FRMPD2: variants seen among roughly 807,000 people sequenced by gnomAD.
FRMPD2 encodes FERM and PDZ domain containing 2, also known as FERM and PDZ domain-containing protein 2.
Under a neutral mutation model 140.1 loss-of-function variants are expected in FRMPD2, and 96 were observed. That is an observed-to-expected ratio of 0.69 (90% confidence interval 0.58 to 0.81). FRMPD2 has a LOEUF of 0.81. Among genes scored for constraint, FRMPD2 ranks in the 40% least tolerant of loss-of-function variants. The pLI, the probability that FRMPD2 is intolerant of heterozygous loss-of-function variation, is 0.00. For synonymous variants in FRMPD2, 449 were observed against 547.6 expected (o/e 0.82, Z 2.52); for missense variants, 1,240 against 1,447.4 (o/e 0.86, Z 2.32).
At chr10:48,164,204 A>G (rs530189031) in intron 27 of FRMPD2, among the ~76,000 whole-genome samples, 7 of 150,768 alleles carry the variant, frequency 4.6e-5, no homozygotes, top group Admixed American at 1.3e-4. Context: ...GACCTTCTAC[A>G]GAAAAACAAT....
At chr10:48,251,325 T>G (rs1192275385) in intron 2 of FRMPD2, among the ~76,000 whole-genome samples, 3 of 152,260 alleles carry the variant, frequency 2.0e-5, no homozygotes, top group Non-Finnish European at 4.4e-5. Flanking sequence ...GCCTTTCTTT[T>G]GACTCTGCCA....
Position 48,232,961 on chromosome 10 carries a change from G to C in FRMPD2, c.994-672C>G, listed in dbSNP as rs139188779. Among the ~76,000 whole-genome samples, 21 of 152,182 alleles carry C rather than the reference G, an allele frequency of 1.4e-4. No homozygotes were observed. The East Asian group carries it at 3.9e-3, about 28-fold the overall frequency. On this transcript the variant is annotated intron_variant, in intron 9 of 28. Transcript: ENST00000374201. ...CCTGGGCCATTCTGTCTGTGTCTTT[G>C]CACATATGATACCCACTGCCCCTAG...
chr10:48,185,575 T>G lies in FRMPD2; in HGVS notation c.2337A>C (p.Lys779Asn). ...TACCAAAACCACGATGTGGGTCACGTTTCAGTGTCACACGTACAATTTCTC... is the reference window on the plus strand; with the variant it reads ...TACCAAAACCACGATGTGGGTCACGGTTCAGTGTCACACGTACAATTTCTC... ...PGREIVRVTL[K>N]RDPHRGFGFV... Residue 779 changes from lysine to asparagine, a missense_variant, in exon 18 of 29, where the codon AAA becomes AAC. Lys to Asn is a moderately conservative substitution (Grantham distance 94). Around this residue, in one of 6 missense-constraint regions of FRMPD2, gnomAD observed 1,161 missense variants for 1,055.9 expected, o/e 1.10. Coordinates refer to ENST00000374201, the MANE Select transcript of FRMPD2 (RefSeq NM_001018071.4). The G allele has an allele frequency of 6.2e-7, 1 of 1,613,858 alleles. No individual in the cohort carries two copies. Among genetic ancestry groups the G allele is most frequent in the Non-Finnish European group, 8.5e-7 (1 of 1,179,818 alleles).
chr10:48,173,530 G>T (rs1436944609), intron 24 of FRMPD2, among the ~76,000 whole-genome samples: 1 of 151,334 alleles, frequency 6.6e-6, no homozygotes, highest in East Asian at 1.9e-4. Context: ...CTCTCTCACT[G>T]CCAGTGACCC....
intron 15 of FRMPD2, among the ~76,000 whole-genome samples, chr10:48,196,785 A>G (rs1037518604): frequency 4.6e-5 from 7 of 152,248 alleles, no homozygotes; most frequent in South Asian, 2.1e-4. Flanking sequence ...GTCTAAACTC[A>G]TCCTTTCAAT....
intron 12 of FRMPD2, among the ~76,000 whole-genome samples, 200 bp downstream of exon 12, chr10:48,222,113 A>C (rs548369860): frequency 8.9e-6 from 1 of 112,946 alleles, no homozygotes; most frequent in Non-Finnish European, 1.9e-5. Context: ...TGGATGGATG[A>C]ATCAATGAAT....
chr10:48,213,256 G>T (rs11101265), intron 12 of FRMPD2, among the ~76,000 whole-genome samples: 12,619 of 152,246 alleles, frequency 0.083, 1,626 homozygotes, highest in African/African-American at 0.27. Flanking sequence ...GAGAGATATT[G>T]TTCAGCAGGC....
chr10:48,273,929 A>G (rs1840812073), intron 1 of FRMPD2, among the ~76,000 whole-genome samples: 1 of 152,070 alleles, frequency 6.6e-6, no homozygotes, highest in African/African-American at 2.4e-5. Flanking sequence ...ACCTCAACTG[A>G]GTTTTTTCTT....
intron 11 of FRMPD2, 128 bp downstream of exon 11, chr10:48,222,995 C>A: frequency 1.1e-6 from 1 of 873,818 alleles, no homozygotes; most frequent in Non-Finnish European, 1.7e-6. Context: ...AGAAAACCAA[C>A]CACAATAGCT....
At chr10:48,265,379 A>T (rs1840661603) in intron 1 of FRMPD2, among the ~76,000 whole-genome samples, 1 of 152,204 alleles carries the variant, frequency 6.6e-6, no homozygotes, top group African/African-American at 2.4e-5. Context: ...ATCTAATTAA[A>T]CTAAAGAGCT....
intron 1 of FRMPD2, among the ~76,000 whole-genome samples, chr10:48,269,046 A>G (rs1840725502): frequency 6.6e-6 from 1 of 152,254 alleles, no homozygotes; most frequent in African/African-American, 2.4e-5. Context: ...TTTACTCATC[A>G]ATTAGAAAAA....
chr10:48,180,208 C>G (rs548072258), intron 21 of FRMPD2, among the ~76,000 whole-genome samples: 2 of 152,342 alleles, frequency 1.3e-5, no homozygotes, highest in African/African-American at 4.8e-5. Context: ...GTGACTCAGT[C>G]CATGAGCACC....
intron 3 of FRMPD2, among the ~76,000 whole-genome samples, chr10:48,247,919 G>A (rs987969672): frequency 2.6e-5 from 4 of 152,224 alleles, no homozygotes; most frequent in Non-Finnish European, 5.9e-5. Context: ...CTGGATGCCA[G>A]AGTGACTTCC....
At chr10:48,217,519 G>C (rs1265409648) in intron 12 of FRMPD2, among the ~76,000 whole-genome samples, 3 of 152,164 alleles carry the variant, frequency 2.0e-5, no homozygotes, top group Non-Finnish European at 4.4e-5. Context: ...CAATTGGTGA[G>C]CTATGAATCA....
At chr10:48,260,867 T>C (rs1161759810) in intron 1 of FRMPD2, among the ~76,000 whole-genome samples, 2 of 135,090 alleles carry the variant, frequency 1.5e-5, no homozygotes, top group African/African-American at 5.6e-5. Flanking sequence ...TAACTATGAT[T>C]AATATGCTAA....
chr10:48,173,394 G>A (rs1276164508), intron 24 of FRMPD2, among the ~76,000 whole-genome samples: 2 of 151,412 alleles, frequency 1.3e-5, no homozygotes, highest in African/African-American at 4.9e-5. Context: ...CCCTCGCATT[G>A]GCTCACCCCA....
intron 1 of FRMPD2, among the ~76,000 whole-genome samples, chr10:48,263,075 A>G (rs1840622370): frequency 6.6e-6 from 1 of 152,204 alleles, no homozygotes. Flanking sequence ...AAATGGGTCA[A>G]AAAGGAAATC....
At chr10:48,174,791 C>T (rs1838362563) in intron 24 of FRMPD2, 79 bp downstream of exon 24, 2 of 877,942 alleles carry the variant, frequency 2.3e-6, no homozygotes, top group Non-Finnish European at 3.8e-6. Flanking sequence ...TCCCTCCCAC[C>T]CAGAGGCGAT....
intron 9 of FRMPD2, among the ~76,000 whole-genome samples, chr10:48,233,115 G>A (rs1197915544): frequency 6.6e-6 from 1 of 152,214 alleles, no homozygotes; most frequent in African/African-American, 2.4e-5. Flanking sequence ...CCCCCAGGAA[G>A]TTCTCTCTAG....
Sources: allele counts gnomAD v4.1 joint callset (sites outside exome capture counted in the v4.1 genomes callset), GRCh38; gene constraint gnomAD v4.1.1; regional missense constraint gnomAD v4.1.1; transcripts MANE v1.5; gene names NCBI Gene and HGNC (gene_info 2026-07-23, HGNC 2026-07-21).